Variants in AHDC1 observed in about 807,000 individuals in gnomAD.
AHDC1 encodes AT-hook DNA binding motif containing 1.
Under a neutral mutation model 87.9 loss-of-function variants are expected in AHDC1, and 7 were observed. The observed-to-expected ratio is 0.08, with a 90% CI of 0.05 to 0.15. The LOEUF is 0.15. Among genes scored for constraint, AHDC1 ranks in the 10% least tolerant of loss-of-function variants. The pLI, the probability that AHDC1 is intolerant of heterozygous loss-of-function variation, is 1.00. For missense variants in AHDC1, 1,841 were observed against 2,253.2 expected, an observed-to-expected ratio of 0.82 and a Z score of 3.70; for synonymous variants, 1,051 against 1,006.8, an observed-to-expected ratio of 1.04 and a Z score of -0.83.
chr1:27,603,673 GCACA>G (rs1312234029), intron 2 of AHDC1, 51 bp downstream of exon 2: 1 of 103,372 alleles, frequency 9.7e-6, no homozygotes, highest in African/African-American at 4.0e-5. Flanking sequence ...CTCCCGCCGC[GCACA>G]CACTCTCCCA....
intron 3 of AHDC1, among the ~76,000 whole-genome samples, chr1:27,570,268 G>A (rs907518938): frequency 6.6e-5 from 10 of 151,910 alleles, no homozygotes; most frequent in African/African-American, 2.4e-4. Context: ...TTTTCGCTCT[G>A]GGATCACGTT....
intron 8 of AHDC1, among the ~76,000 whole-genome samples, chr1:27,536,593 T>G (rs1461322168): frequency 1.3e-5 from 2 of 152,032 alleles, no homozygotes; most frequent in Non-Finnish European, 2.9e-5. Flanking sequence ...GGGGTGTCTA[T>G]TAGGGAGCAG....
At chr1:27,544,320 A>G (rs1005907255) in intron 8 of AHDC1, among the ~76,000 whole-genome samples, 2 of 152,202 alleles carry the variant, frequency 1.3e-5, no homozygotes, top group Admixed American at 6.5e-5. Context: ...CCAGCTGTCC[A>G]GCAAATCTTT....
intron 8 of AHDC1, among the ~76,000 whole-genome samples, chr1:27,544,943 G>A (rs941831250): frequency 1.1e-4 from 16 of 152,210 alleles, no homozygotes; most frequent in Admixed American, 5.9e-4. Flanking sequence ...ATCTGGCCTC[G>A]CTTGCCTCAT....
chr1:27,561,320 A>T lies in AHDC1; in HGVS notation c.-628-2437T>A, dbSNP rs531673264. 2.1e-3 allele frequency among the ~76,000 whole-genome samples: 321 copies of T among 152,050 alleles called. 5 individuals are homozygous for T. The highest frequency in any genetic ancestry group is 6.6e-4 in the Non-Finnish European group (45 of 68,010). On this transcript the variant is annotated intron_variant, in intron 3 of 8. Transcript: ENST00000673934. This position sits in a 1 kb window ranked among gnomAD's most constrained non-coding sequence, Gnocchi z 4.2. ...GTGGTGGTGGGTGGGAGGAGTCTGC[A>T]TGGGGTCTGCCTGGCCCTGAGTGTT...
intron 3 of AHDC1, among the ~76,000 whole-genome samples, chr1:27,580,991 T>A (rs2088892863): frequency 6.6e-6 from 1 of 152,242 alleles, no homozygotes; most frequent in African/African-American, 2.4e-5. Context: ...CATGCCACCA[T>A]GCCCAGCTAA....
chr1:27,545,079 T>G (rs1325148922), intron 8 of AHDC1, among the ~76,000 whole-genome samples: 5 of 150,422 alleles, frequency 3.3e-5, no homozygotes, highest in African/African-American at 1.2e-4. Context: ...CGCCAGCTGT[T>G]CAGCCCCATC....
chr1:27,587,517 C>T (rs1475279774), intron 3 of AHDC1, among the ~76,000 whole-genome samples: 2 of 152,190 alleles, frequency 1.3e-5, no homozygotes, highest in Non-Finnish European at 2.9e-5. Context: ...CAGCTCAATA[C>T]CAGTTCCTCC....
Position 27,598,694 on chromosome 1 carries a change from A to C in AHDC1, c.-629+4703T>G, listed in dbSNP as rs539023643. Among the ~76,000 whole-genome samples the C allele has an allele frequency of 6.6e-6, 1 of 152,130 alleles. No individual in the cohort carries two copies. The highest frequency in any genetic ancestry group is 1.5e-5 in the Non-Finnish European group (1 of 67,994). On this transcript the variant is annotated intron_variant, in intron 3 of 8. Transcript: ENST00000673934. This position sits in a 1 kb window ranked among gnomAD's most constrained non-coding sequence, Gnocchi z 4.2. ...ATCACACCAGTGTCACCCCCACAAC[A>C]GTGGAGGCTGGTTTTGGCCATGTAG...
chr1:27,599,984 G>A (rs2089486491), intron 3 of AHDC1, among the ~76,000 whole-genome samples: 1 of 151,920 alleles, frequency 6.6e-6, no homozygotes, highest in Admixed American at 6.6e-5. Flanking sequence ...TCTTGGGTGA[G>A]AGGACCTCAG....
intron 3 of AHDC1, chr1:27,568,041 G>A (rs2020399551): frequency 6.6e-6 from 1 of 152,326 alleles, no homozygotes; most frequent in Non-Finnish European, 1.5e-5. Context: ...TGCTCTGTGT[G>A]ACTCTGGATG....
chr1:27,575,171 T>C (rs909260840), intron 3 of AHDC1, among the ~76,000 whole-genome samples: 8 of 152,152 alleles, frequency 5.3e-5, no homozygotes, highest in Non-Finnish European at 1.2e-4. Context: ...CCTCCGAGTT[T>C]TCCCGCCGCC....
chr1:27,600,514 G>A (rs11810228), intron 3 of AHDC1, among the ~76,000 whole-genome samples: 7,996 of 152,074 alleles, frequency 0.053, 721 homozygotes, highest in African/African-American at 0.18. Flanking sequence ...GGACAGAAGA[G>A]GGGAAGGGGG....
chr1:27,562,100 C>T lies in AHDC1; in HGVS notation c.-628-3217G>A, dbSNP rs1251526023. Among the ~76,000 whole-genome samples, 1 of 151,782 alleles carries T rather than the reference C, an allele frequency of 6.6e-6. No individual in the cohort carries two copies. Among genetic ancestry groups the T allele is most frequent in the Non-Finnish European group, 1.5e-5 (1 of 67,952 alleles). On this transcript the variant is annotated intron_variant, in intron 3 of 8. Coordinates refer to ENST00000673934, the MANE Select transcript of AHDC1 (RefSeq NM_001371928.1). This position sits in a 1 kb window ranked among gnomAD's most constrained non-coding sequence, Gnocchi z 4.4. The stretch of plus-strand genomic sequence containing the variant: ...CTGCAGGAGCCTGAGAAAGAGGCAG[C>T]GAAGCAGAGGCAGGGTGGGCCGGGG...
chr1:27,563,004 G>A lies in AHDC1; in HGVS notation c.-628-4121C>T, dbSNP rs983628277. ...AGATGGGCACACCTGACACACCCTC[G>A]ACAGCATGGGGCAGGCGTCTGTTAC... On this transcript the variant is annotated intron_variant, in intron 3 of 8. Coordinates refer to ENST00000673934, the MANE Select transcript of AHDC1 (RefSeq NM_001371928.1). This position sits in a 1 kb window ranked among gnomAD's most constrained non-coding sequence, Gnocchi z 6.1. 6.6e-6 allele frequency among the ~76,000 whole-genome samples: 1 copy of A among 152,024 alleles called. No homozygotes were observed. The highest frequency in any genetic ancestry group is 1.5e-5 in the Non-Finnish European group (1 of 68,008).
At chr1:27,541,022 A>AC (rs1227217892) in intron 8 of AHDC1, among the ~76,000 whole-genome samples, 22 of 150,564 alleles carry the variant, frequency 1.5e-4, no homozygotes, top group African/African-American at 5.3e-4. Flanking sequence ...AAAAAAAAAA[A>AC]AAAACAACAA....
In AHDC1 at chr1:27,558,273, C is replaced by T. The variant is rs1390245942; in HGVS notation, c.-225+32G>A. 6.6e-6 allele frequency: 1 copy of T among 152,510 alleles called. No homozygotes were observed. The highest frequency in any genetic ancestry group is 1.9e-4 in the East Asian group (1 of 5,204). The allele number at this position is 152,510 out of a possible 1,614,324, so 9.4% of individuals were successfully genotyped here. On this transcript the variant is annotated intron_variant, in intron 5 of 8. Coordinates refer to ENST00000673934, the MANE Select transcript of AHDC1 (RefSeq NM_001371928.1). The surrounding 1 kb of genome is among the most constrained non-coding windows in gnomAD (Gnocchi z 5.6). ...TGTCCTGCAAGGGCACCTTAGCATA[C>T]CTGGGCTACCCAGGCCCTCCCAGCA...
Position 27,549,925 on chromosome 1 carries a change from C to A in AHDC1, c.2191G>T (p.Val731Leu). Residue 731 changes from valine (V) to leucine (L), a missense_variant, in exon 8 of 9, where the codon GTA (valine) becomes TTA (leucine). This residue lies in a region of AHDC1 where 236 missense variants were observed against 257.9 expected (regional missense o/e 0.92). Coordinates refer to ENST00000673934, the MANE Select transcript of AHDC1 (RefSeq NM_001371928.1). ...TTTGGCTTCCCAGTCACAGCGTCTA[C>A]CTCCCCCCGGCCCCGTTTGCGTGGG... is the stretch of plus-strand genomic sequence containing the variant. Reference protein sequence around the residue: ...GHPRKRGRGEVDAVTGKPKRK... With the variant: ...GHPRKRGRGELDAVTGKPKRK... The A allele has an allele frequency of 1.2e-6, 2 of 1,613,522 alleles. No individual in the cohort carries two copies. Among genetic ancestry groups the A allele is most frequent in the South Asian group, 1.1e-5 (1 of 91,012 alleles).
Position 27,547,340 on chromosome 1 carries a change from A to C in AHDC1, c.4776T>G (p.Pro1592=). 1 of 1,553,234 alleles carries C rather than the reference A, an allele frequency of 6.4e-7. No individual in the cohort carries two copies. The highest frequency in any genetic ancestry group is 8.7e-7 in the Non-Finnish European group (1 of 1,152,348). The part of the protein sequence containing the change: ...KSGFLGPMAE[P]HPEDTFTVTS... ...TGACGGTGAATGTGTCCTCGGGGTG[A>C]GGTTCCGCCATGGGCCCCAGGAAGC... Residue 1592 remains proline (P), a synonymous_variant, in exon 8 of 9, where the codon CCT becomes CCG. Coordinates refer to ENST00000673934, the MANE Select transcript of AHDC1 (RefSeq NM_001371928.1). This position sits in a 1 kb window ranked among gnomAD's most constrained non-coding sequence, Gnocchi z 4.9.
Sources: gnomAD v4.1 joint callset for allele counts (sites outside exome capture counted in the v4.1 genomes callset) on GRCh38, gnomAD v4.1.1 for gene constraint, gnomAD v4.1.1 regional missense constraint, Gnocchi (gnomAD v3.1) non-coding constraint, MANE v1.5 for transcripts, NCBI Gene and HGNC (gene_info 2026-07-23, HGNC 2026-07-21) for gene names.